Variants in COL4A2 observed in about 807,000 individuals in gnomAD.
The protein encoded by COL4A2 is collagen alpha-2(IV) chain.
A neutral mutation model predicts 200.2 loss-of-function variants in COL4A2; 99 were observed. The ratio of observed to expected loss-of-function variants is 0.49; its 90% CI spans 0.42 to 0.58. The LOEUF (loss-of-function observed/expected upper bound fraction) is 0.58, where lower values mean the gene tolerates loss of function less well. Ranked by LOEUF, COL4A2 falls within the 20% of genes least tolerant of loss-of-function variation. The probability of loss-of-function intolerance (pLI) is 0.00; values close to 1 mark genes in which losing one functional copy is unlikely to be tolerated. For synonymous variants in COL4A2, 897 were observed against 900.6 expected (o/e 1.00, Z 0.07); for missense variants, 1,950 against 2,314.1 (o/e 0.84, Z 3.23).
chr13:110,341,907 G>A (rs539745493), intron 3 of COL4A2, among the ~76,000 whole-genome samples: 4 of 152,208 alleles, frequency 2.6e-5, no homozygotes, highest in African/African-American at 9.7e-5. Context: ...CGCGTTTGTG[G>A]ATGTTTATAA....
chr13:110,443,707 G>A (rs943739688), intron 16 of COL4A2, among the ~76,000 whole-genome samples: 1 of 152,138 alleles, frequency 6.6e-6, no homozygotes, highest in African/African-American at 2.4e-5. Flanking sequence ...GGGCTCTGTG[G>A]TGAGCTTGCT....
chr13:110,321,548 T>C (rs1885279205), intron 3 of COL4A2, among the ~76,000 whole-genome samples: 1 of 152,186 alleles, frequency 6.6e-6, no homozygotes, highest in Non-Finnish European at 1.5e-5. Flanking sequence ...GTGACTACTC[T>C]AGGGACCTCA....
At position 110,336,792 on chromosome 13, in the gene COL4A2, T is replaced by C. The variant is rs1308149538; in HGVS notation, c.100-20680T>C. 1.3e-5 allele frequency among the ~76,000 whole-genome samples: 2 copies of C among 152,340 alleles called. 1 individual carries two copies. Among genetic ancestry groups the C allele is most frequent in the East Asian group, 3.9e-4 (2 of 5,180 alleles). ...AGGGCCTTATTCCTGAAGCTTTCGT[T>C]GATCAGCTTCTGGGAAGCCTCCAGC... On this transcript the variant is annotated intron_variant, in intron 3 of 47. Coordinates refer to ENST00000360467, the MANE Select transcript of COL4A2 (RefSeq NM_001846.4).
At chr13:110,490,135 A>G (rs1883239342) in intron 36 of COL4A2, among the ~76,000 whole-genome samples, 2 of 152,148 alleles carry the variant, frequency 1.3e-5, no homozygotes, top group African/African-American at 4.8e-5. Context: ...GTGGTCGCTG[A>G]CCCGAGCTTC....
Position 110,429,771 on chromosome 13 carries a change from A to G in COL4A2, c.478-114A>G, listed in dbSNP as rs1421757604. On this transcript the variant is annotated intron_variant, in intron 7 of 47. Coordinates refer to ENST00000360467, the MANE Select transcript of COL4A2 (RefSeq NM_001846.4). ...ATAACCCCCATCAGCCATAAGAACAATTAGACCTTGCCCACAAAAGTCAAT... is the reference window on the plus strand; with the variant it reads ...ATAACCCCCATCAGCCATAAGAACAGTTAGACCTTGCCCACAAAAGTCAAT... 2.8e-5 allele frequency: 28 copies of G among 1,001,580 alleles called. No individual in the cohort carries two copies. In the Admixed American group the frequency reaches 4.8e-4, roughly 17 times the overall value. 62.0% of individuals were successfully genotyped at this position (1,001,580 alleles called of 1,614,324 possible).
intron 4 of COL4A2, among the ~76,000 whole-genome samples, chr13:110,423,781 C>T (rs1393041843): frequency 2.6e-5 from 4 of 152,140 alleles, no homozygotes; most frequent in Admixed American, 1.3e-4. Flanking sequence ...TGGATTTGAG[C>T]GTGCTAGGGA....
chr13:110,462,593 A>G, intron 24 of COL4A2: 1 of 566,572 alleles, frequency 1.8e-6, no homozygotes, highest in African/African-American at 1.9e-5. Context: ...CTCCAAATGA[A>G]CATTTAAAAG....
In COL4A2 at chr13:110,346,761, A is replaced by T. The variant is rs565028900; in HGVS notation, c.100-10711A>T. Among the ~76,000 whole-genome samples the T allele has an allele frequency of 1.4e-3, 211 of 152,268 alleles. 1 individual carries two copies. The highest frequency in any genetic ancestry group is 4.9e-3 in the African/African-American group (203 of 41,568). ...CCTGGGTGTTTGCTGTGTAGGTTCC[A>T]GGCTTCTAGACCAGATGACTCAAGA... On this transcript the variant is annotated intron_variant, in intron 3 of 47. Coordinates refer to ENST00000360467, the MANE Select transcript of COL4A2 (RefSeq NM_001846.4).
At chr13:110,510,791 TC>T (rs2139563231) in intron 47 of COL4A2, among the ~76,000 whole-genome samples, 1 of 152,232 alleles carries the variant, frequency 6.6e-6, no homozygotes, top group East Asian at 1.9e-4. Context: ...GTTCTGGGAG[TC>T]CCAGGTGTCT....
chr13:110,440,414 A>AT (rs929107578), intron 16 of COL4A2, among the ~76,000 whole-genome samples: 2 of 152,092 alleles, frequency 1.3e-5, no homozygotes, highest in African/African-American at 4.8e-5. Flanking sequence ...CCTGACCAAC[A>AT]TGGTGAAACC....
Position 110,466,078 on chromosome 13 carries a change from C to T in COL4A2, c.2038+16C>T. On this transcript the variant is annotated intron_variant, in intron 26 of 47. Coordinates refer to ENST00000360467, the MANE Select transcript of COL4A2 (RefSeq NM_001846.4). The stretch of plus-strand genomic sequence containing the variant: ...ATCCAGCCAGGTACTCTGGGAAGTG[C>T]AGGTGGCTTTAGGACACTAGAGAAC... 3 of 1,612,166 alleles carry T rather than the reference C, an allele frequency of 1.9e-6. No individual in the cohort carries two copies. Among genetic ancestry groups the T allele is most frequent in the Non-Finnish European group, 2.5e-6 (3 of 1,178,566 alleles).
At chr13:110,395,013 G>A (rs1389016986) in intron 4 of COL4A2, among the ~76,000 whole-genome samples, 2 of 152,136 alleles carry the variant, frequency 1.3e-5, no homozygotes, top group Non-Finnish European at 2.9e-5. Context: ...CACGTCTCCG[G>A]GGACCCAGAG....
At chr13:110,413,061 G>T (rs921372615) in intron 4 of COL4A2, among the ~76,000 whole-genome samples, 1 of 152,154 alleles carries the variant, frequency 6.6e-6, no homozygotes, top group African/African-American at 2.4e-5. Context: ...GTGACTGAAG[G>T]AATTGAATGG....
rs548876139 is a variant in COL4A2 at position 110,348,373 on chromosome 13, G to A, written c.100-9099G>A. Among the ~76,000 whole-genome samples, 4 of 152,282 alleles carry A rather than the reference G, an allele frequency of 2.6e-5. 1 individual carries two copies. Among genetic ancestry groups the A allele is most frequent in the Middle Eastern group, 6.8e-3 (2 of 294 alleles). ...GCTGAATTGGCTGGCTTTGCTGCCC[G>A]GCATATAGAAGAAGGATTTGTGCTG... On this transcript the variant is annotated intron_variant, in intron 3 of 47. Coordinates refer to ENST00000360467, the MANE Select transcript of COL4A2 (RefSeq NM_001846.4).
At position 110,470,973 on chromosome 13, in the gene COL4A2, C is replaced by T. The variant is rs570005568; in HGVS notation, c.2203+1649C>T. Among the ~76,000 whole-genome samples, 161 of 152,266 alleles carry T rather than the reference C, an allele frequency of 1.1e-3. 1 individual carries two copies. The highest frequency in any genetic ancestry group is 1.6e-3 in the Admixed American group (24 of 15,296). On this transcript the variant is annotated intron_variant, in intron 28 of 47. Coordinates refer to ENST00000360467, the MANE Select transcript of COL4A2 (RefSeq NM_001846.4). Reference sequence around the variant, plus strand: ...TATCAAGGCCCTGGTAAAAACAACTCTGCATTCGAATGAAGCAAAGGAAGT... The same window carrying T: ...TATCAAGGCCCTGGTAAAAACAACTTTGCATTCGAATGAAGCAAAGGAAGT...
At chr13:110,349,214 A>AT (rs962530647) in intron 3 of COL4A2, among the ~76,000 whole-genome samples, 6 of 152,104 alleles carry the variant, frequency 3.9e-5, no homozygotes, top group African/African-American at 1.2e-4. Context: ...ATTTAAACCT[A>AT]TTTTTTTAGT....
At chr13:110,334,978 G>A (rs1302213301) in intron 3 of COL4A2, among the ~76,000 whole-genome samples, 1 of 152,082 alleles carries the variant, frequency 6.6e-6, no homozygotes, top group East Asian at 1.9e-4. Flanking sequence ...AAAGAGCTGG[G>A]GGCCCAGCTC....
intron 3 of COL4A2, among the ~76,000 whole-genome samples, chr13:110,326,734 G>C (rs2139357239): frequency 6.6e-6 from 1 of 152,272 alleles, no homozygotes; most frequent in Admixed American, 6.5e-5. Flanking sequence ...GAGGTGCCCA[G>C]TGGAACCCCC....
intron 3 of COL4A2, among the ~76,000 whole-genome samples, chr13:110,348,348 G>A (rs750238575): frequency 2.1e-4 from 32 of 152,248 alleles, no homozygotes; most frequent in Non-Finnish European, 4.0e-4. Flanking sequence ...AACAAAGGAA[G>A]CTGAATTGGC....
Sources: gnomAD v4.1 joint callset for allele counts (sites outside exome capture counted in the v4.1 genomes callset) on GRCh38, gnomAD v4.1.1 for gene constraint, MANE v1.5 for transcripts, NCBI Gene and HGNC (gene_info 2026-07-23, HGNC 2026-07-21) for gene names.